The following CHODL variants were observed in gnomAD, a reference collection of about 807,000 sequenced individuals.
The protein encoded by CHODL is transmembrane protein MT75.
In CHODL, 29 loss-of-function variants were observed where a neutral mutation model predicts 34.5. The ratio of observed to expected loss-of-function variants is 0.84; its 90% CI spans 0.63 to 1.15. The LOEUF (loss-of-function observed/expected upper bound fraction) is 1.15. Ranked by LOEUF, CHODL falls within the 50% of genes most tolerant of loss-of-function variation. CHODL has a pLI of 0.00. For synonymous variants in CHODL, 125 were observed against 116.1 expected (o/e 1.08, Z -0.49); for missense variants, 332 against 332.5 (o/e 1.00, Z 0.01).
At position 18,253,030 on chromosome 21, in the gene CHODL, A is replaced by G. The variant is rs537708166; in HGVS notation, c.80-3479A>G. Reference sequence around the variant, plus strand: ...TAGGTTTTTTTCTTTCATTATTATTATATCTGTATGAACTAACATAATGGT... The same window carrying G: ...TAGGTTTTTTTCTTTCATTATTATTGTATCTGTATGAACTAACATAATGGT... On this transcript the variant is annotated intron_variant, in intron 1 of 5. Coordinates refer to ENST00000299295, the MANE Select transcript of CHODL (RefSeq NM_024944.3). Among the ~76,000 whole-genome samples the G allele has an allele frequency of 5.3e-5, 8 of 152,226 alleles. No homozygotes were observed. The South Asian group carries it at 8.3e-4, about 16-fold the overall frequency.
chr21:18,046,200 CCACGTAGA>C (rs1178173260), intron 2 of CHODL, among the ~76,000 whole-genome samples: 1 of 151,862 alleles, frequency 6.6e-6, no homozygotes, highest in East Asian at 1.9e-4. Flanking sequence ...TTCCAAAAGG[CCACGTAGA>C]CATGGGAAAG....
At chr21:18,151,082 CAAAAA>C (rs61176066) in intron 2 of CHODL, among the ~76,000 whole-genome samples, 8 of 122,998 alleles carry the variant, frequency 6.5e-5, no homozygotes, top group Non-Finnish European at 9.8e-5. Context: ...GACTCTGTGT[CAAAAA>C]AAAAAAAAAA....
At chr21:18,133,707 C>T (rs890440631) in intron 2 of CHODL, among the ~76,000 whole-genome samples, 8 of 152,128 alleles carry the variant, frequency 5.3e-5, no homozygotes, top group Admixed American at 2.0e-4. Flanking sequence ...GCTCAGGGCT[C>T]ATCAACTCAA....
intron 1 of CHODL, among the ~76,000 whole-genome samples, chr21:17,980,456 T>C (rs2063705066): frequency 6.6e-6 from 1 of 152,202 alleles, no homozygotes; most frequent in African/African-American, 2.4e-5. Context: ...ACTAATATTT[T>C]CATCAACTGA....
intron 1 of CHODL, among the ~76,000 whole-genome samples, chr21:18,006,820 G>A (rs1279313535): frequency 6.6e-6 from 1 of 152,066 alleles, no homozygotes; most frequent in African/African-American, 2.4e-5. Flanking sequence ...TGTTGCCTCC[G>A]GTCCACTCTG....
chr21:18,256,940 C>T (rs77782229), intron 2 of CHODL, 30 bp from the exon 3 acceptor site: 66,233 of 1,602,658 alleles, frequency 0.041, 1,676 homozygotes, highest in Non-Finnish European at 0.05. Flanking sequence ...AGGCATGTAT[C>T]TGAGTGTTCC....
chr21:18,069,539 A>AATATATATATAT (rs71318122), intron 2 of CHODL, among the ~76,000 whole-genome samples: 3 of 147,450 alleles, frequency 2.0e-5, no homozygotes, highest in African/African-American at 7.5e-5. Context: ...ATATATGTGG[A>AATATATATATAT]ATATATATAT....
At chr21:18,156,479 G>T (rs1415031846) in intron 2 of CHODL, among the ~76,000 whole-genome samples, 1 of 151,864 alleles carries the variant, frequency 6.6e-6, no homozygotes, top group East Asian at 1.9e-4. Flanking sequence ...AAAAATTAAC[G>T]TTTTAAAAAA....
intron 1 of CHODL, among the ~76,000 whole-genome samples, chr21:17,998,996 G>A (rs1461169530): frequency 6.6e-6 from 1 of 152,148 alleles, no homozygotes; most frequent in South Asian, 2.1e-4. Flanking sequence ...GCATTGTCAG[G>A]CTGCAAATTT....
intron 2 of CHODL, among the ~76,000 whole-genome samples, chr21:18,043,495 G>T (rs1321576859): frequency 6.6e-6 from 1 of 151,900 alleles, no homozygotes; most frequent in African/African-American, 2.4e-5. Context: ...GGATGTGTGG[G>T]AGTTCAGAGA....
At chr21:18,199,229 G>A (rs2073624515) in intron 2 of CHODL, among the ~76,000 whole-genome samples, 1 of 152,074 alleles carries the variant, frequency 6.6e-6, no homozygotes, top group South Asian at 2.1e-4. Context: ...GTCTCAGGAG[G>A]ATAATCCACA....
At chr21:18,142,366 C>T (rs1412168479) in intron 2 of CHODL, among the ~76,000 whole-genome samples, 1 of 152,136 alleles carries the variant, frequency 6.6e-6, no homozygotes, top group Non-Finnish European at 1.5e-5. Context: ...TGCCATCGAT[C>T]AACCTACTTA....
chr21:18,081,707 T>C (rs993441060), intron 2 of CHODL, among the ~76,000 whole-genome samples: 48 of 142,580 alleles, frequency 3.4e-4, no homozygotes, highest in African/African-American at 1.2e-3. Flanking sequence ...AAAAAGAGGG[T>C]GAAAGTGGGC....
intron 2 of CHODL, among the ~76,000 whole-genome samples, chr21:18,038,446 A>G (rs766787857): frequency 1.2e-4 from 18 of 151,774 alleles, no homozygotes; most frequent in Non-Finnish European, 2.2e-4. Context: ...ACACGAATTC[A>G]GGAATCCAGT....
chr21:18,009,691 A>T (rs981497012), intron 1 of CHODL, among the ~76,000 whole-genome samples: 2 of 152,066 alleles, frequency 1.3e-5, no homozygotes, highest in South Asian at 4.1e-4. Context: ...AATCGAGAAC[A>T]CCCTGGCTAA....
At chr21:18,083,988 G>A (rs1283864592) in intron 2 of CHODL, among the ~76,000 whole-genome samples, 4 of 152,174 alleles carry the variant, frequency 2.6e-5, no homozygotes, top group East Asian at 1.9e-4. Context: ...GAGAGGCAAT[G>A]TGGTTTCGCT....
chr21:18,200,121 G>A (rs2073635289), intron 2 of CHODL, among the ~76,000 whole-genome samples: 1 of 151,804 alleles, frequency 6.6e-6, no homozygotes, highest in Admixed American at 6.6e-5. Context: ...ATTTGATATT[G>A]TAATTTTTTT....
intron 2 of CHODL, among the ~76,000 whole-genome samples, chr21:18,172,157 A>AT (rs199941871): frequency 5.3e-5 from 8 of 150,196 alleles, no homozygotes; most frequent in East Asian, 3.9e-4. Context: ...TTTTCCTTTT[A>AT]TTTTTTTTTC....
chr21:18,047,598 G>GCTCCC (rs764178870), intron 2 of CHODL, among the ~76,000 whole-genome samples: 33 of 151,798 alleles, frequency 2.2e-4, no homozygotes, highest in Non-Finnish European at 3.5e-4. Context: ...CACCATTGGC[G>GCTCCC]CTCCCCACAT....
Sources: gnomAD v4.1 joint callset for allele counts (sites outside exome capture counted in the v4.1 genomes callset) on GRCh38, gnomAD v4.1.1 for gene constraint, MANE v1.5 for transcripts, NCBI Gene and HGNC (gene_info 2026-07-23, HGNC 2026-07-21) for gene names.